PARG: variants seen among roughly 807,000 people sequenced by gnomAD.
The protein encoded by PARG is poly(ADP-ribose) glycohydrolase.
PARG carries 35 observed loss-of-function variants against 113.0 expected under a neutral mutation model. The ratio of observed to expected loss-of-function variants is 0.31; its 90% CI spans 0.24 to 0.41. The LOEUF is 0.41. Among genes scored for constraint, PARG ranks in the 10% least tolerant of loss-of-function variants. PARG has a pLI of 1.00. For missense variants in PARG, 797 were observed against 1,169.4 expected (o/e 0.68, Z 4.64); for synonymous variants, 330 against 409.9 (o/e 0.81, Z 2.36).
At chr10:49,843,886 G>A (rs945794009) in intron 13 of PARG, among the ~76,000 whole-genome samples, 12 of 152,202 alleles carry the variant, frequency 7.9e-5, no homozygotes, top group Non-Finnish European at 1.5e-4. Flanking sequence ...GAGGCCAGGC[G>A]CAGTGGCTCA....
chr10:49,934,256 C>T (rs1838635118), intron 2 of PARG, 93 bp from the exon 3 acceptor site: 1 of 654,656 alleles, frequency 1.5e-6, no homozygotes, highest in Non-Finnish European at 2.7e-6. Context: ...TAATTAAACT[C>T]CCTGTGGTCA....
At position 49,926,021 on chromosome 10, in the gene PARG, C is replaced by T. The variant is rs139925934; in HGVS notation, c.1456-3352G>A. Reference sequence around the variant, plus strand: ...CGGGTCGTACAATCTAAACTAATTCCGGTTAGCTAAACATTTGATTTTTTT... The same window carrying T: ...CGGGTCGTACAATCTAAACTAATTCTGGTTAGCTAAACATTTGATTTTTTT... On this transcript the variant is annotated intron_variant, in intron 4 of 17. Coordinates refer to ENST00000616448, the MANE Select transcript of PARG (RefSeq NM_003631.5). Among the ~76,000 whole-genome samples the T allele has an allele frequency of 6.6e-3, 1,011 of 152,232 alleles. 5 individuals carry two copies. Among genetic ancestry groups the T allele is most frequent in the South Asian group, 0.041 (198 of 4,824 alleles).
chr10:49,928,028 T>A (rs1157576778), intron 4 of PARG, among the ~76,000 whole-genome samples: 4 of 150,814 alleles, frequency 2.7e-5, no homozygotes, highest in Non-Finnish European at 5.9e-5. Context: ...TCCCAGCACA[T>A]TGGGGGGCCC....
At chr10:49,822,358 T>C (rs942335149) in intron 16 of PARG, among the ~76,000 whole-genome samples, 4 of 152,210 alleles carry the variant, frequency 2.6e-5, no homozygotes, top group Non-Finnish European at 5.9e-5. Context: ...TCTACCATCA[T>C]TCCCCCTAAA....
chr10:49,832,755 T>G lies in PARG; in HGVS notation c.2647+48A>C, dbSNP rs1225491482. ...GAGAAATCTGGTTTGAAGGACTAAC[T>G]TTTTTTGTGTGGGCAGAATGCTTTT... is the stretch of plus-strand genomic sequence containing the variant. On this transcript the variant is annotated intron_variant, in intron 16 of 17. Transcript: ENST00000616448. 2.7e-6 allele frequency: 3 copies of G among 1,124,446 alleles called. No individual in the cohort carries two copies. In the African/African-American group the frequency reaches 4.7e-5, roughly 18 times the overall value. 69.7% of individuals were successfully genotyped at this position (1,124,446 alleles called of 1,614,324 possible).
intron 7 of PARG, among the ~76,000 whole-genome samples, chr10:49,914,562 A>G (rs1473076271): frequency 6.6e-6 from 1 of 152,254 alleles, no homozygotes; most frequent in Non-Finnish European, 1.5e-5. Context: ...AGTTGCCCTT[A>G]GCACCTAGGT....
chr10:49,832,038 G>T (rs528857741), intron 16 of PARG, among the ~76,000 whole-genome samples: 11 of 152,324 alleles, frequency 7.2e-5, no homozygotes, highest in Admixed American at 2.0e-4. Flanking sequence ...GGTGGTGTCA[G>T]ACCAGTTGGG....
At chr10:49,839,496 C>T (rs1845120375) in intron 15 of PARG, among the ~76,000 whole-genome samples, 1 of 152,166 alleles carries the variant, frequency 6.6e-6, no homozygotes, top group Non-Finnish European at 1.5e-5. Flanking sequence ...TAAAACGCCC[C>T]TCATTAAGAC....
chr10:49,843,560 C>T lies in PARG; in HGVS notation c.2426G>A (p.Ser809Asn). The T allele has an allele frequency of 6.5e-7, 1 of 1,547,902 alleles. No individual in the cohort carries two copies. The highest frequency in any genetic ancestry group is 2.4e-5 in the East Asian group (1 of 40,896). Reference protein sequence around the residue: ...YRWSRSHEDGSERDDWQRRCT... With the variant: ...YRWSRSHEDGNERDDWQRRCT... ...AAGACAGAAACAGACTCACCTTTCA[C>T]TCCCATCTTCGTGGCTCCGGGACCA... Residue 809 changes from serine (S) to asparagine (N), a missense_variant, in exon 14 of 18, where the codon AGT becomes AAT. Around this residue, in one of 5 missense-constraint regions of PARG, gnomAD observed 194 missense variants for 247.1 expected, o/e 0.79. Coordinates refer to ENST00000616448, the MANE Select transcript of PARG (RefSeq NM_003631.5).
intron 1 of PARG, among the ~76,000 whole-genome samples, chr10:49,941,204 C>T (rs1302873765): frequency 1.3e-5 from 2 of 152,156 alleles, no homozygotes; most frequent in African/African-American, 4.8e-5. Flanking sequence ...TTTACATACA[C>T]AATTAGATCT....
chr10:49,836,306 A>G (rs147172765), intron 15 of PARG, among the ~76,000 whole-genome samples: 1 of 26,282 alleles, frequency 3.8e-5, no homozygotes, highest in African/African-American at 7.0e-5. Context: ...ATTTCTTACG[A>G]CTTTTTTTTT....
Position 49,819,155 on chromosome 10 carries a change from G to T in PARG, c.*185C>A. ...AACATATCTAAGTCCACGTGAGTCA[G>T]GATGGAGGGAGTTTAGATGTACCAA... On this transcript the variant is annotated 3_prime_UTR_variant, in exon 18 of 18. Transcript: ENST00000616448. 1 of 501,642 alleles carries T rather than the reference G, an allele frequency of 2.0e-6. No homozygotes were observed. The highest frequency in any genetic ancestry group is 3.6e-6 in the Non-Finnish European group (1 of 280,274). The allele number at this position is 501,642 out of a possible 1,614,324, so 31.1% of individuals were successfully genotyped here. A position where few individuals can be genotyped will look rare whatever the true frequency, so the allele number is the denominator to read the frequency against.
intron 4 of PARG, among the ~76,000 whole-genome samples, chr10:49,927,737 A>C (rs1447958079): frequency 1.3e-5 from 2 of 152,036 alleles, no homozygotes; most frequent in African/African-American, 4.8e-5. Flanking sequence ...TGGGAGGTTG[A>C]GGCTGGAGGA....
intron 4 of PARG, among the ~76,000 whole-genome samples, chr10:49,928,277 A>G (rs1467989507): frequency 6.6e-6 from 1 of 152,160 alleles, no homozygotes; most frequent in African/African-American, 2.4e-5. Context: ...TCTCGAAAAA[A>G]AAAAAAAGTC....
intron 15 of PARG, among the ~76,000 whole-genome samples, chr10:49,839,927 A>T (rs1205364632): frequency 1.3e-5 from 2 of 152,252 alleles, no homozygotes; most frequent in African/African-American, 4.8e-5. Flanking sequence ...AAATTCACAT[A>T]TACGTGTTTA....
At chr10:49,906,455 A>T (rs1458830642) in intron 7 of PARG, among the ~76,000 whole-genome samples, 1 of 152,016 alleles carries the variant, frequency 6.6e-6, no homozygotes, top group Non-Finnish European at 1.5e-5. Context: ...GCCATTTTCA[A>T]TTGACCTAAT....
At chr10:49,901,617 A>G (rs1554843789) in intron 7 of PARG, among the ~76,000 whole-genome samples, 1 of 152,148 alleles carries the variant, frequency 6.6e-6, no homozygotes, top group African/African-American at 2.4e-5. Flanking sequence ...ATTTTCCTAA[A>G]AGGCTTGAGG....
At position 49,919,869 on chromosome 10, in the gene PARG, C is replaced by G. The variant is rs530173121; in HGVS notation, c.1662+2467G>C. ...GCGATCTGATGTTCTATATAAGGAT[C>G]CCATCTTTGTATCCACCAACATCCA... On this transcript the variant is annotated intron_variant, in intron 6 of 17. Coordinates refer to ENST00000616448, the MANE Select transcript of PARG (RefSeq NM_003631.5). 2.5e-4 allele frequency among the ~76,000 whole-genome samples: 38 copies of G among 152,182 alleles called. 1 individual carries two copies. The South Asian group carries it at 7.5e-3, about 30-fold the overall frequency.
At chr10:49,919,391 A>G (rs117124862) in intron 6 of PARG, among the ~76,000 whole-genome samples, 291 of 152,344 alleles carry the variant, frequency 1.9e-3, no homozygotes, top group East Asian at 0.018. Flanking sequence ...ATGTGAGTTT[A>G]TAATTTTGTT....
Sources: gnomAD v4.1 joint callset for allele counts (sites outside exome capture counted in the v4.1 genomes callset) on GRCh38, gnomAD v4.1.1 for gene constraint, gnomAD v4.1.1 regional missense constraint, MANE v1.5 for transcripts, NCBI Gene and HGNC (gene_info 2026-07-23, HGNC 2026-07-21) for gene names.